EVC2: variants seen among roughly 807,000 people sequenced by gnomAD.
EVC2 encodes the protein limbin.
A neutral mutation model predicts 149.3 loss-of-function variants in EVC2; 148 were observed. That is an observed-to-expected ratio of 0.99 (90% CI 0.87 to 1.14). EVC2 has a LOEUF of 1.14. Ranked by LOEUF, EVC2 falls within the 50% of genes most tolerant of loss-of-function variation. EVC2 has a pLI of 0.00. For missense variants in EVC2, 1,854 were observed against 1,627.3 expected, an observed-to-expected ratio of 1.14 and a Z score of -2.40; for synonymous variants, 776 against 649.9, an observed-to-expected ratio of 1.19 and a Z score of -2.95.
At chr4:5,582,091 T>C (rs1711849652) in intron 17 of EVC2, among the ~76,000 whole-genome samples, 1 of 152,138 alleles carries the variant, frequency 6.6e-6, no homozygotes, top group Non-Finnish European at 1.5e-5. Flanking sequence ...GCTAGGGCAG[T>C]GTGGAGGGGA....
Position 5,628,633 on chromosome 4 carries a change from T to G in EVC2, c.1812A>C (p.Ser604=). 2.5e-6 allele frequency: 4 copies of G among 1,614,082 alleles called. No homozygotes were observed. The highest frequency in any genetic ancestry group is 3.4e-6 in the Non-Finnish European group (4 of 1,179,992). ...HREYLVQNLQ[S]SETRVQGLLS... is the part of the protein sequence containing the mutation. ...GAAGGCCCTGCACACGGGTCTCTGA[T>G]GACTGGAGGTTCTGGACCAGATATT... The change falls in exon 12 of 22, where the codon TCA becomes TCC. Residue 604 remains serine (S), a synonymous_variant. Coordinates refer to ENST00000344408, the MANE Select transcript of EVC2 (RefSeq NM_147127.5).
At chr4:5,681,904 C>T (rs1720370604) in intron 6 of EVC2, among the ~76,000 whole-genome samples, 1 of 152,132 alleles carries the variant, frequency 6.6e-6, no homozygotes, top group Non-Finnish European at 1.5e-5. Context: ...GGCAGAATAG[C>T]TTGCCACTGA....
In EVC2 at chr4:5,563,073, T is replaced by C. The variant is rs375566943; in HGVS notation, c.3702A>G (p.Ile1234Met). ...GTGGCCAACTTCCTTTTCCAGAGAA[T>C]ATCATCCTCTCTCTGAGAGGGAGAC... is the stretch of plus-strand genomic sequence containing the variant. The part of the protein sequence containing the change: ...KTCLPLRERM[I>M]FSGKGSWPHL... The change falls in exon 22 of 22, where the codon ATA becomes ATG. Residue 1234 changes from isoleucine (I) to methionine (M), a missense_variant. Ile to Met is a conservative substitution (Grantham distance 10). Transcript: ENST00000344408. 4.0e-5 allele frequency: 64 copies of C among 1,614,162 alleles called. No homozygotes were observed. In the Admixed American group the frequency reaches 1.1e-3, roughly 27 times the overall value.
chr4:5,554,554 G>T (rs1166286329), intron 21 of EVC2, among the ~76,000 whole-genome samples: 1 of 152,162 alleles, frequency 6.6e-6, no homozygotes, highest in Non-Finnish European at 1.5e-5. Flanking sequence ...CATTGTGTAA[G>T]TCTGAAGCAT....
At chr4:5,621,441 A>T (rs1025316713) in intron 14 of EVC2, among the ~76,000 whole-genome samples, 2 of 152,226 alleles carry the variant, frequency 1.3e-5, no homozygotes, top group Non-Finnish European at 2.9e-5. Flanking sequence ...GAGGTTAAAC[A>T]AGTTGCACAA....
intron 17 of EVC2, among the ~76,000 whole-genome samples, chr4:5,578,353 C>T (rs1723058242): frequency 1.3e-5 from 2 of 152,130 alleles, no homozygotes; most frequent in South Asian, 4.1e-4. Context: ...CAATATGGTG[C>T]CAGATTGTAT....
chr4:5,562,327 G>A (rs1216853702), downstream of EVC2: 1 of 520,532 alleles, frequency 1.9e-6, no homozygotes, highest in African/African-American at 2.0e-5. The surrounding 1 kb of genome is among the most constrained non-coding windows in gnomAD (Gnocchi z 4.3). Context: ...GGCAACTGGA[G>A]CGATAGAGGG....
At chr4:5,564,269 G>A (rs1340315264) in intron 21 of EVC2, among the ~76,000 whole-genome samples, 1 of 152,200 alleles carries the variant, frequency 6.6e-6, no homozygotes, top group African/African-American at 2.4e-5. Context: ...CCAGGACAGT[G>A]GGACCATCAT....
intron 15 of EVC2, among the ~76,000 whole-genome samples, chr4:5,616,212 G>C (rs578105331): frequency 5.9e-5 from 9 of 152,312 alleles, no homozygotes; most frequent in Middle Eastern, 6.8e-3. Context: ...TCTCCCCTGA[G>C]AACTTTCCCA....
At chr4:5,629,141 C>T (rs1455241014) in intron 11 of EVC2, among the ~76,000 whole-genome samples, 1 of 152,176 alleles carries the variant, frequency 6.6e-6, no homozygotes, top group Non-Finnish European at 1.5e-5. Flanking sequence ...GGAGCTCCCA[C>T]CACCACAGAG....
intron 7 of EVC2, among the ~76,000 whole-genome samples, chr4:5,672,206 G>T (rs1719691390): frequency 6.6e-6 from 1 of 152,166 alleles, no homozygotes; most frequent in African/African-American, 2.4e-5. Flanking sequence ...GTGATCCAGT[G>T]GGCAGAGGAG....
Position 5,670,826 on chromosome 4 carries a change from T to C in EVC2, c.871-5177A>G, listed in dbSNP as rs1719604542. ...ACCACCACCATTACCATAGCCACCA[T>C]CACTATCAACATCATCAATATCCCC... On this transcript the variant is annotated intron_variant, in intron 7 of 21. Coordinates refer to ENST00000344408, the MANE Select transcript of EVC2 (RefSeq NM_147127.5). The surrounding 1 kb of genome is among the most constrained non-coding windows in gnomAD (Gnocchi z 5.2). Among the ~76,000 whole-genome samples the C allele has an allele frequency of 6.8e-6, 1 of 147,906 alleles. No homozygotes were observed. The highest frequency in any genetic ancestry group is 2.5e-5 in the African/African-American group (1 of 39,774).
chr4:5,594,658 A>T (rs527852588), intron 16 of EVC2, among the ~76,000 whole-genome samples: 1 of 152,350 alleles, frequency 6.6e-6, no homozygotes, highest in African/African-American at 2.4e-5. Flanking sequence ...CTAAAAGCAG[A>T]GCGCCTCTCC....
the EVC2 span, among the ~76,000 whole-genome samples, chr4:5,532,400 G>A: frequency 6.6e-6 from 1 of 152,168 alleles, no homozygotes; most frequent in Non-Finnish European, 1.5e-5. Context: ...GAAGCATCCA[G>A]AATCATGCTG....
intron 10 of EVC2, among the ~76,000 whole-genome samples, chr4:5,638,564 T>C (rs963067020): frequency 6.6e-6 from 1 of 152,034 alleles, no homozygotes; most frequent in African/African-American, 2.4e-5. Flanking sequence ...TACAGGGCAG[T>C]GTCGGTGAGG....
rs1720201831 is a variant in EVC2 at position 5,679,438 on chromosome 4, A to G, written c.870+1822T>C. On this transcript the variant is annotated intron_variant, in intron 7 of 21. Transcript: ENST00000344408. The surrounding 1 kb of genome is among the most constrained non-coding windows in gnomAD (Gnocchi z 5.1). Reference sequence around the variant, plus strand: ...ATTTTTAGTAAAGACCGGTTTAGCCATGTTGGCCAGGCTGATCTTGAACTC... The same window carrying G: ...ATTTTTAGTAAAGACCGGTTTAGCCGTGTTGGCCAGGCTGATCTTGAACTC... Among the ~76,000 whole-genome samples the G allele has an allele frequency of 6.6e-6, 1 of 152,164 alleles. No homozygotes were observed. The highest frequency in any genetic ancestry group is 2.4e-5 in the African/African-American group (1 of 41,520).
chr4:5,545,992 T>G (rs1721609087), intron 21 of EVC2, among the ~76,000 whole-genome samples: 1 of 152,030 alleles, frequency 6.6e-6, no homozygotes, highest in Non-Finnish European at 1.5e-5. Context: ...ATCAGAGAAA[T>G]GCAAATCAAA....
At chr4:5,654,379 T>G (rs1452890846) in intron 9 of EVC2, among the ~76,000 whole-genome samples, 3 of 152,136 alleles carry the variant, frequency 2.0e-5, no homozygotes, top group Admixed American at 2.0e-4. Flanking sequence ...AGGTCACACA[T>G]GAATTTCTCT....
chr4:5,656,065 C>A (rs149832698), intron 9 of EVC2, among the ~76,000 whole-genome samples: 334 of 152,292 alleles, frequency 2.2e-3, no homozygotes, highest in Admixed American at 4.2e-3. Context: ...TCCACTCAGA[C>A]CTTAGGCTCT....
Sources: allele counts gnomAD v4.1 joint callset (sites outside exome capture counted in the v4.1 genomes callset), GRCh38; gene constraint gnomAD v4.1.1; non-coding constraint Gnocchi (gnomAD v3.1); transcripts MANE v1.5; gene names NCBI Gene and HGNC (gene_info 2026-07-23, HGNC 2026-07-21).